The following NDUFB9 variants were observed in gnomAD, a reference collection of about 807,000 sequenced individuals.
The protein encoded by NDUFB9 is NADH:ubiquinone oxidoreductase subunit B9.
NDUFB9 carries 24 observed loss-of-function variants against 30.2 expected under a neutral mutation model. That is an observed-to-expected ratio of 0.80 (90% CI 0.58 to 1.12). The LOEUF (loss-of-function observed/expected upper bound fraction) is 1.12, where lower values mean the gene tolerates loss of function less well. Ranked by LOEUF, NDUFB9 falls within the 50% of genes most tolerant of loss-of-function variation. The probability of loss-of-function intolerance (pLI) is 0.00; values close to 1 mark genes in which losing one functional copy is unlikely to be tolerated. For missense variants in NDUFB9, 204 were observed against 226.0 expected, an observed-to-expected ratio of 0.90 and a Z score of 0.62; for synonymous variants, 80 against 84.0, an observed-to-expected ratio of 0.95 and a Z score of 0.26.
intron 3 of NDUFB9, among the ~76,000 whole-genome samples, chr8:124,549,524 G>A (rs921824106): frequency 2.0e-5 from 3 of 152,162 alleles, no homozygotes; most frequent in African/African-American, 7.2e-5. Flanking sequence ...GGGAAGAATA[G>A]GAAGGGTAGG....
intron 3 of NDUFB9, among the ~76,000 whole-genome samples, chr8:124,547,986 A>G (rs781198687): frequency 2.0e-5 from 3 of 149,628 alleles, no homozygotes; most frequent in Non-Finnish European, 4.4e-5. Context: ...CTCCATCCCA[A>G]AAGAAAAAAA....
chr8:124,539,195 C>G lies in NDUFB9; in HGVS notation c.9C>G (p.Phe3Leu). ...GGAAGGTCAGCGCCGTAATGGCGTT[C>G]TTGGCGTCGGGACCCTACCTGACCC... MA[F>L]LASGPYLTHQ... Residue 3 changes from phenylalanine to leucine, a missense_variant, in exon 1 of 4, where the codon TTC becomes TTG. By Grantham distance (22) the Phe-to-Leu change is conservative. Transcript: ENST00000276689. The G allele has an allele frequency of 6.2e-7, 1 of 1,614,226 alleles. No individual in the cohort carries two copies. The highest frequency in any genetic ancestry group is 1.7e-5 in the Admixed American group (1 of 60,028).
intron 2 of NDUFB9, among the ~76,000 whole-genome samples, chr8:124,545,026 A>G (rs1384349174): frequency 1.3e-5 from 2 of 152,238 alleles, no homozygotes; most frequent in Non-Finnish European, 2.9e-5. Flanking sequence ...AAGTAACTGC[A>G]GAAGTTGTGG....
In NDUFB9 at chr8:124,549,763, T is replaced by G. The variant is rs1258965481; in HGVS notation, c.411T>G (p.Val137=). ...ATTCCTTCCTTGCCTCCTTCTAGGT[T>G]AAGCAGCTGCAGGAGGAAACGCCAC... The part of the protein sequence containing the change: ...KLRRESWERE[V]KQLQEETPPG... Residue 137 remains valine (V), a splice_region_variant and synonymous_variant, in exon 4 of 4, where the codon GTT becomes GTG. Transcript: ENST00000276689. 5 of 1,614,078 alleles carry G rather than the reference T, an allele frequency of 3.1e-6. No homozygotes were observed. The highest frequency in any genetic ancestry group is 4.2e-6 in the Non-Finnish European group (5 of 1,179,918).
intron 3 of NDUFB9, among the ~76,000 whole-genome samples, chr8:124,547,824 G>T (rs1174461090): frequency 6.6e-6 from 1 of 152,008 alleles, no homozygotes; most frequent in Admixed American, 6.5e-5. Flanking sequence ...TCTACTAAAA[G>T]TACAAATAAT....
intron 3 of NDUFB9, among the ~76,000 whole-genome samples, chr8:124,548,991 G>T (rs1586718924): frequency 6.6e-6 from 1 of 152,228 alleles, no homozygotes. Flanking sequence ...GGCCAAAGGG[G>T]GCAGTGTTTT....
Position 124,543,169 on chromosome 8 carries a change from C to G in NDUFB9, c.184C>G (p.Gln62Glu). The change falls in exon 2 of 4, where the codon CAG becomes GAG. Residue 62 changes from glutamine to glutamate, a missense_variant. Transcript: ENST00000276689. Reference sequence around the variant, plus strand: ...TGAAAAGGATATGGCGAAGGCCACCCAGCTGCTGAAGGAGGCCGAGGAAGA... The same window carrying G: ...TGAAAAGGATATGGCGAAGGCCACCGAGCTGCTGAAGGAGGCCGAGGAAGA... The part of the protein sequence containing the change: ...KNEKDMAKAT[Q>E]LLKEAEEEFW... 6.2e-7 allele frequency: 1 copy of G among 1,614,192 alleles called. No individual in the cohort carries two copies. Among genetic ancestry groups the G allele is most frequent in the South Asian group, 1.1e-5 (1 of 91,084 alleles).
At chr8:124,542,981 C>T (rs1822058315) in intron 1 of NDUFB9, 106 bp from the exon 2 acceptor site, 5 of 1,192,218 alleles carry the variant, frequency 4.2e-6, no homozygotes, top group Non-Finnish European at 6.1e-6. Context: ...TGGGGTAGGT[C>T]CACTGCCCAT....
rs1220973355 is a variant in NDUFB9 at position 124,543,189 on chromosome 8, G to T, written c.204G>T (p.Glu68Asp). The T allele has an allele frequency of 6.2e-7, 1 of 1,614,226 alleles. No homozygotes were observed. The highest frequency in any genetic ancestry group is 8.5e-7 in the Non-Finnish European group (1 of 1,180,028). ...AKATQLLKEA[E>D]EEFWYRQHPQ... ...CCACCCAGCTGCTGAAGGAGGCCGA[G>T]GAAGAATTCTGGTACCGTCAGCATC... Residue 68 changes from glutamate (E) to aspartate (D), a missense_variant, in exon 2 of 4, where the codon GAG becomes GAT. Physicochemically the swap from Glu to Asp is conservative, Grantham distance 45. Coordinates refer to ENST00000276689, the MANE Select transcript of NDUFB9 (RefSeq NM_005005.3).
intron 3 of NDUFB9, chr8:124,547,564 G>A: frequency 2.7e-6 from 1 of 371,752 alleles, no homozygotes; most frequent in East Asian, 5.7e-5. Context: ...TCAAAAGGTT[G>A]TCATGACTAA....
intron 1 of NDUFB9, among the ~76,000 whole-genome samples, chr8:124,539,673 A>G (rs897231060): frequency 2.0e-5 from 3 of 152,128 alleles, no homozygotes; most frequent in Admixed American, 6.5e-5. Context: ...ACTATGCATT[A>G]TTTTCTTCAG....
intron 1 of NDUFB9, among the ~76,000 whole-genome samples, chr8:124,539,937 G>A (rs1821867552): frequency 6.6e-6 from 1 of 151,654 alleles, no homozygotes; most frequent in South Asian, 2.1e-4. Context: ...ACCTCTATCC[G>A]TCTGAGACTA....
At chr8:124,547,173 C>CAT in intron 3 of NDUFB9, 60 bp downstream of exon 3, 1 of 1,328,000 alleles carries the variant, frequency 7.5e-7, no homozygotes, top group Non-Finnish European at 1.1e-6. Flanking sequence ...AGTTTTGCTC[C>CAT]CCACAAGCAG....
At chr8:124,546,781 T>C (rs1425280762) in intron 2 of NDUFB9, 2 of 595,424 alleles carry the variant, frequency 3.4e-6, no homozygotes, top group Non-Finnish European at 6.0e-6. Context: ...CTGATGATGG[T>C]GCTATTTTTC....
At chr8:124,545,876 A>T (rs1228962880) in intron 2 of NDUFB9, among the ~76,000 whole-genome samples, 1 of 148,710 alleles carries the variant, frequency 6.7e-6, no homozygotes, top group East Asian at 2.0e-4. Flanking sequence ...AGGGGGACAG[A>T]GTTTTGCCCA....
At chr8:124,547,707 C>T (rs929107438) in intron 3 of NDUFB9, among the ~76,000 whole-genome samples, 9 of 151,936 alleles carry the variant, frequency 5.9e-5, no homozygotes, top group African/African-American at 1.9e-4. Flanking sequence ...GGGCAGGGTG[C>T]GGTGGCTCAC....
rs536334436 is a variant in NDUFB9, at chr8:124,539,183, C to G, written c.-4C>G. 5.0e-6 allele frequency: 8 copies of G among 1,614,170 alleles called. No homozygotes were observed. The East Asian group carries it at 1.8e-4, about 36-fold the overall frequency. ...CCGCGCGGCCGGGGAAGGTCAGCGC[C>G]GTAATGGCGTTCTTGGCGTCGGGAC... On this transcript the variant is annotated 5_prime_UTR_variant, in exon 1 of 4. Coordinates refer to ENST00000276689, the MANE Select transcript of NDUFB9 (RefSeq NM_005005.3).
intron 3 of NDUFB9, among the ~76,000 whole-genome samples, chr8:124,549,444 T>G (rs973434244): frequency 1.3e-5 from 2 of 152,060 alleles, no homozygotes; most frequent in Non-Finnish European, 2.9e-5. Context: ...AGAATTGGAA[T>G]GATAGTTGTC....
chr8:124,545,081 C>T (rs1371368321), intron 2 of NDUFB9, among the ~76,000 whole-genome samples: 1 of 152,196 alleles, frequency 6.6e-6, no homozygotes, highest in African/African-American at 2.4e-5. Flanking sequence ...GAGAATATGA[C>T]TGAATTGCTG....
Sources: allele counts gnomAD v4.1 joint callset (sites outside exome capture counted in the v4.1 genomes callset), GRCh38; gene constraint gnomAD v4.1.1; transcripts MANE v1.5; gene names NCBI Gene and HGNC (gene_info 2026-07-23, HGNC 2026-07-21).